Variants in PROS1 observed in about 807,000 individuals in gnomAD.
PROS1 encodes the protein protein S, also known as vitamin K-dependent protein S.
PROS1 carries 29 observed loss-of-function variants against 75.9 expected under a neutral mutation model. The observed-to-expected ratio is 0.38, with a 90% CI of 0.28 to 0.52. PROS1 has a LOEUF of 0.52. Ranked by LOEUF, PROS1 falls within the 20% of genes least tolerant of loss-of-function variation. The pLI is 0.83. For synonymous variants in PROS1, 245 were observed against 280.6 expected (o/e 0.87, Z 1.27); for missense variants, 680 against 810.3 (o/e 0.84, Z 1.95).
At chr3:93,943,113 C>A (rs148317027) in intron 1 of PROS1, among the ~76,000 whole-genome samples, 1 of 152,274 alleles carries the variant, frequency 6.6e-6, no homozygotes, top group African/African-American at 2.4e-5. Flanking sequence ...AGTCAAATCA[C>A]CCAAGCAGTT....
At chr3:93,921,125 C>T (rs147468335) in intron 3 of PROS1, among the ~76,000 whole-genome samples, 62 of 152,294 alleles carry the variant, frequency 4.1e-4, no homozygotes, top group African/African-American at 1.4e-3. Context: ...CTCAAGTGAT[C>T]CTCGCACTTC....
rs1197648717 is a variant in PROS1, at chr3:93,900,875, T to C, written c.656A>G (p.Asn219Ser). ...TTCACATTCAAAATCTCCTGGGATG[T>C]TCTTGCACACAGCTGTGCCACAAAT... ...PSICGTAVCKNIPGDFECECP... is the reference protein window; with the variant it reads ...PSICGTAVCKSIPGDFECECP... The change falls in exon 7 of 15, where the codon AAC (asparagine) becomes AGC (serine). Residue 219 changes from asparagine to serine, a missense_variant. Coordinates refer to ENST00000394236, the MANE Select transcript of PROS1 (RefSeq NM_000313.4). 1.9e-6 allele frequency: 3 copies of C among 1,614,086 alleles called. No individual in the cohort carries two copies. The highest frequency in any genetic ancestry group is 1.7e-6 in the Non-Finnish European group (2 of 1,179,994).
At chr3:93,886,965 G>C (rs1708357664) in intron 10 of PROS1, among the ~76,000 whole-genome samples, 1 of 141,538 alleles carries the variant, frequency 7.1e-6, no homozygotes, top group Admixed American at 7.5e-5. Context: ...AGGCCAGACT[G>C]CGGACTGCAG....
intron 4 of PROS1, among the ~76,000 whole-genome samples, chr3:93,906,561 G>A (rs1708679138): frequency 6.6e-6 from 1 of 152,214 alleles, no homozygotes; most frequent in Non-Finnish European, 1.5e-5. Context: ...CATCCACTCT[G>A]ATCTTAGAGG....
chr3:93,949,058 G>A (rs1251243636), intron 1 of PROS1, among the ~76,000 whole-genome samples: 1 of 152,166 alleles, frequency 6.6e-6, no homozygotes, highest in Non-Finnish European at 1.5e-5. Context: ...GATTCTCATG[G>A]ACCAATGTCT....
chr3:93,900,902 C>T lies in PROS1; in HGVS notation c.629G>A (p.Ser210Asn). 1 of 1,613,998 alleles carries T rather than the reference C, an allele frequency of 6.2e-7. No homozygotes were observed. The highest frequency in any genetic ancestry group is 8.5e-7 in the Non-Finnish European group (1 of 1,179,980). ...KDVDECSLKP[S>N]ICGTAVCKNI... Reference sequence around the variant, plus strand: ...CTTGCACACAGCTGTGCCACAAATGCTTGGCTTCAAAGAGCATTCATCCAC... The same window carrying T: ...CTTGCACACAGCTGTGCCACAAATGTTTGGCTTCAAAGAGCATTCATCCAC... The change falls in exon 7 of 15, where the codon AGC (serine) becomes AAC (asparagine). Residue 210 changes from serine (S) to asparagine (N), a missense_variant. Transcript: ENST00000394236.
chr3:93,950,599 C>T (rs1442503361), intron 1 of PROS1, among the ~76,000 whole-genome samples: 1 of 152,178 alleles, frequency 6.6e-6, no homozygotes, highest in African/African-American at 2.4e-5. Flanking sequence ...CATCAAAGCC[C>T]AACAGACCTG....
chr3:93,881,814 G>A (rs777137586), intron 12 of PROS1, among the ~76,000 whole-genome samples: 2 of 152,002 alleles, frequency 1.3e-5, no homozygotes, highest in African/African-American at 2.4e-5. Context: ...GGATCTGCCC[G>A]CCTCAGCCTC....
chr3:93,900,983 A>G (rs200054356), intron 6 of PROS1, 54 bp from the exon 7 acceptor site: 1 of 1,575,062 alleles, frequency 6.3e-7, no homozygotes, highest in Non-Finnish European at 8.6e-7. Flanking sequence ...AGCAGACACT[A>G]CCAAAGAACC....
intron 14 of PROS1, among the ~76,000 whole-genome samples, chr3:93,875,925 G>C (rs146498964): frequency 6.6e-6 from 1 of 152,174 alleles, no homozygotes; most frequent in East Asian, 1.9e-4. Flanking sequence ...TGAAATATTG[G>C]TGCCAATTTC....
intron 1 of PROS1, among the ~76,000 whole-genome samples, chr3:93,952,321 G>A (rs1477133209): frequency 6.6e-6 from 1 of 152,104 alleles, no homozygotes; most frequent in African/African-American, 2.4e-5. Context: ...TGACCACATA[G>A]TTGGAAGAAA....
chr3:93,947,529 A>T (rs1709423341), intron 1 of PROS1, among the ~76,000 whole-genome samples: 1 of 152,068 alleles, frequency 6.6e-6, no homozygotes, highest in Non-Finnish European at 1.5e-5. Context: ...CATCTCACTT[A>T]AAGTTTGGGA....
At chr3:93,962,315 T>C (rs1416454662) in intron 1 of PROS1, among the ~76,000 whole-genome samples, 1 of 152,154 alleles carries the variant, frequency 6.6e-6, no homozygotes, top group Admixed American at 6.5e-5. Context: ...AAACTCCCTA[T>C]ACTAGCAAAT....
Position 93,879,113 on chromosome 3 carries a change from T to TA in PROS1, c.1644+49dup. On this transcript the variant is annotated intron_variant, in intron 13 of 14. Coordinates refer to ENST00000394236, the MANE Select transcript of PROS1 (RefSeq NM_000313.4). Reference sequence around the variant, plus strand: ...GGTAAATACTGCTATGTATACATTTTAAAAAATGAAAAGAAAAACAAGGCT... The same window carrying TA: ...GGTAAATACTGCTATGTATACATTTTAAAAAAATGAAAAGAAAAACAAGGCT... 2.6e-6 allele frequency: 4 copies of TA among 1,545,374 alleles called. No homozygotes were observed. The South Asian group carries it at 3.5e-5, about 13-fold the overall frequency.
intron 1 of PROS1, among the ~76,000 whole-genome samples, chr3:93,928,011 A>ATATTTTT (rs1235149837): frequency 4.5e-5 from 2 of 44,468 alleles, no homozygotes; most frequent in Non-Finnish European, 7.8e-5. Context: ...ATATATATAT[A>ATATTTTT]TTTTTTTTTT....
At chr3:93,964,811 C>G (rs867176639) in intron 1 of PROS1, among the ~76,000 whole-genome samples, 4 of 152,184 alleles carry the variant, frequency 2.6e-5, no homozygotes, top group African/African-American at 7.2e-5. Context: ...CCCGGAGGTG[C>G]AGCTGTAAAA....
chr3:93,960,290 C>A (rs959815957), intron 1 of PROS1, among the ~76,000 whole-genome samples: 2 of 151,828 alleles, frequency 1.3e-5, no homozygotes, highest in Non-Finnish European at 2.9e-5. Flanking sequence ...CATTCTCCTG[C>A]CTCAGCCTCC....
At chr3:93,916,984 G>A (rs185345691) in intron 3 of PROS1, among the ~76,000 whole-genome samples, 8 of 152,172 alleles carry the variant, frequency 5.3e-5, no homozygotes, top group African/African-American at 1.9e-4. Context: ...TCAAGAGTCA[G>A]GTAAATTTTT....
chr3:93,911,416 C>G (rs1016257898), intron 3 of PROS1, among the ~76,000 whole-genome samples: 5 of 152,196 alleles, frequency 3.3e-5, no homozygotes, highest in African/African-American at 1.2e-4. Flanking sequence ...CTTCATTGTT[C>G]AGACAGTCAC....
Sources: allele counts gnomAD v4.1 joint callset (sites outside exome capture counted in the v4.1 genomes callset), GRCh38; gene constraint gnomAD v4.1.1; transcripts MANE v1.5; gene names NCBI Gene and HGNC (gene_info 2026-07-23, HGNC 2026-07-21).